The following EPHA6 variants were observed in gnomAD, a reference collection of about 807,000 sequenced individuals.
EPHA6 encodes EPH receptor A6, also known as ephrin type-A receptor 6.
In EPHA6, 50 loss-of-function variants were observed where a neutral mutation model predicts 112.0. That is an observed-to-expected ratio of 0.45 (90% CI 0.36 to 0.56). The LOEUF (loss-of-function observed/expected upper bound fraction) is 0.56. EPHA6 is among the 20% of genes least tolerant of loss of function. EPHA6 has a pLI of 0.00. For missense variants in EPHA6, 1,280 were observed against 1,417.4 expected (o/e 0.90, Z 1.56); for synonymous variants, 529 against 490.7 (o/e 1.08, Z -1.03).
At chr3:97,551,559 ATTC>A (rs1299555049) in intron 11 of EPHA6, among the ~76,000 whole-genome samples, 2 of 152,112 alleles carry the variant, frequency 1.3e-5, no homozygotes, top group African/African-American at 4.8e-5. Flanking sequence ...AACAAGCATG[ATTC>A]TTTTGAAATA....
chr3:97,426,065 C>A (rs2089095329), intron 6 of EPHA6, among the ~76,000 whole-genome samples: 1 of 152,180 alleles, frequency 6.6e-6, no homozygotes, highest in Admixed American at 6.5e-5. Flanking sequence ...GTCTTCTGAG[C>A]CCTCTAAACT....
intron 15 of EPHA6, among the ~76,000 whole-genome samples, chr3:97,734,412 TAGTTGCTAGTGAA>T (rs2035169990): frequency 6.6e-6 from 1 of 152,004 alleles, no homozygotes; most frequent in Admixed American, 6.6e-5. Context: ...AACCCAAGCC[TAGTTGCTAGTGAA>T]AGTAGTCAGA....
intron 6 of EPHA6, among the ~76,000 whole-genome samples, chr3:97,427,472 A>C (rs1408302154): frequency 6.6e-6 from 1 of 152,186 alleles, no homozygotes; most frequent in Non-Finnish European, 1.5e-5. Context: ...TCTCACTTAT[A>C]AGTGGGAGCT....
chr3:97,423,332 A>C (rs1468898279), intron 6 of EPHA6, among the ~76,000 whole-genome samples: 1 of 152,216 alleles, frequency 6.6e-6, no homozygotes, highest in Non-Finnish European at 1.5e-5. Context: ...AATGTGAAAA[A>C]TTGGTAGCAT....
chr3:96,982,520 A>C (rs1230959257), intron 2 of EPHA6, among the ~76,000 whole-genome samples: 2 of 152,188 alleles, frequency 1.3e-5, no homozygotes, highest in Non-Finnish European at 2.9e-5. Context: ...GCTGAGAAGA[A>C]TGTATATTCT....
intron 9 of EPHA6, chr3:97,481,310 A>G: frequency 9.0e-6 from 14 of 1,549,648 alleles, no homozygotes; most frequent in Non-Finnish European, 1.2e-5. Flanking sequence ...TCTTGGAGGG[A>G]GATTCCAGTT....
At chr3:97,244,945 C>T (rs1181338900) in intron 5 of EPHA6, among the ~76,000 whole-genome samples, 3 of 151,866 alleles carry the variant, frequency 2.0e-5, no homozygotes, top group Non-Finnish European at 4.4e-5. Flanking sequence ...TTCTTTAATT[C>T]CTTCATAACA....
intron 1 of EPHA6, among the ~76,000 whole-genome samples, chr3:96,856,624 T>A (rs2035715027): frequency 6.6e-6 from 1 of 152,192 alleles, no homozygotes; most frequent in African/African-American, 2.4e-5. Context: ...TTAATTCCTG[T>A]AAATAGAAAA....
chr3:97,544,165 G>A (rs1415066084), intron 11 of EPHA6, among the ~76,000 whole-genome samples: 1 of 152,144 alleles, frequency 6.6e-6, no homozygotes, highest in East Asian at 1.9e-4. Flanking sequence ...TCCCTGTCTT[G>A]TGCCCATTTT....
At chr3:96,982,513 GAGA>G (rs1660546642) in intron 2 of EPHA6, among the ~76,000 whole-genome samples, 2 of 152,212 alleles carry the variant, frequency 1.3e-5, no homozygotes, top group South Asian at 4.1e-4. Context: ...ATGTGGTGCT[GAGA>G]AGAATGTATA....
intron 5 of EPHA6, among the ~76,000 whole-genome samples, chr3:97,399,775 G>A (rs554506259): frequency 1.5e-4 from 22 of 151,662 alleles, no homozygotes; most frequent in African/African-American, 4.1e-4. Flanking sequence ...TTGTTAAATA[G>A]GATTATTTGT....
intron 10 of EPHA6, among the ~76,000 whole-genome samples, chr3:97,497,755 C>T (rs2092016552): frequency 6.6e-6 from 1 of 151,830 alleles, no homozygotes; most frequent in African/African-American, 2.4e-5. Context: ...TCTTCTTATG[C>T]ATGTGCGGGG....
chr3:97,750,644 C>T lies in EPHA6; in HGVS notation c.*1943C>T, dbSNP rs1317875005. ...TGCTGAGATTACAGGCGTGAGCCAC[C>T]GCGCCTGGCCATTTTTTTCTTATAT... is the stretch of plus-strand genomic sequence containing the variant. On this transcript the variant is annotated 3_prime_UTR_variant, in exon 18 of 18. Transcript: ENST00000389672. 6.6e-6 allele frequency among the ~76,000 whole-genome samples: 1 copy of T among 152,066 alleles called. No individual in the cohort carries two copies. The highest frequency in any genetic ancestry group is 2.4e-5 in the African/African-American group (1 of 41,402).
chr3:97,183,270 G>A (rs1264978788), intron 3 of EPHA6, among the ~76,000 whole-genome samples: 2 of 151,840 alleles, frequency 1.3e-5, no homozygotes, highest in East Asian at 3.9e-4. Context: ...CCTGACTCAG[G>A]TCTAAAGTAA....
intron 3 of EPHA6, among the ~76,000 whole-genome samples, chr3:97,144,096 C>T (rs771713706): frequency 2.0e-5 from 3 of 151,678 alleles, no homozygotes; most frequent in Non-Finnish European, 4.4e-5. Context: ...ACAACCCTCC[C>T]TTAATTTCAT....
At position 96,866,815 on chromosome 3, in the gene EPHA6, T is replaced by G; in HGVS notation, c.386-10T>G. The G allele has an allele frequency of 7.0e-7, 1 of 1,434,546 alleles. No individual in the cohort carries two copies. The highest frequency in any genetic ancestry group is 9.2e-7 in the Non-Finnish European group (1 of 1,086,624). 88.9% of individuals were successfully genotyped at this position (1,434,546 alleles called of 1,614,324 possible). ...AATTCATGGAATTTTTATTTTCTAT[T>G]TAATTCCAGTTGTGTTGCTTGATAC... On this transcript the variant is annotated splice_polypyrimidine_tract_variant and intron_variant, in intron 1 of 17. Transcript: ENST00000389672.
intron 16 of EPHA6, among the ~76,000 whole-genome samples, chr3:97,736,497 G>GTT (rs2035267732): frequency 4.6e-5 from 7 of 151,604 alleles, no homozygotes; most frequent in Non-Finnish European, 4.4e-5. Flanking sequence ...GTGTGTGTGT[G>GTT]TGTGTGTGTG....
rs1474522755 is a variant in EPHA6, at chr3:97,637,814, C to A, written c.2575-59C>A. 4 of 1,232,596 alleles carry A rather than the reference C, an allele frequency of 3.2e-6. No individual in the cohort carries two copies. In the African/African-American group the frequency reaches 4.5e-5, roughly 14 times the overall value. 76.4% of individuals were successfully genotyped at this position (1,232,596 alleles called of 1,614,324 possible). A position where few individuals can be genotyped will look rare whatever the true frequency, so the allele number is the denominator to read the frequency against. ...ATAAATATAAGGATCTTATTTAATA[C>A]ACACACGCACACACTGCATTAAAAT... is the stretch of plus-strand genomic sequence containing the variant. On this transcript the variant is annotated intron_variant, in intron 13 of 17. Transcript: ENST00000389672.
chr3:97,467,783 C>A (rs1436569210), intron 7 of EPHA6, among the ~76,000 whole-genome samples: 1 of 151,654 alleles, frequency 6.6e-6, no homozygotes, highest in African/African-American at 2.4e-5. Context: ...ATGTCTCAAT[C>A]ATTTTCTTTG....
Sources: allele counts gnomAD v4.1 joint callset (sites outside exome capture counted in the v4.1 genomes callset), GRCh38; gene constraint gnomAD v4.1.1; transcripts MANE v1.5; gene names NCBI Gene and HGNC (gene_info 2026-07-23, HGNC 2026-07-21).